Variants in ENOSF1 observed in about 807,000 individuals in gnomAD.
The protein encoded by ENOSF1 is enolase superfamily member 1.
A neutral mutation model predicts 68.2 loss-of-function variants in ENOSF1; 73 were observed. The ratio of observed to expected loss-of-function variants is 1.07; its 90% CI spans 0.89 to 1.30. The LOEUF (loss-of-function observed/expected upper bound fraction) is 1.30. ENOSF1 is among the 50% of genes most tolerant of loss of function. The probability of loss-of-function intolerance (pLI) is 0.00; values close to 1 mark genes in which losing one functional copy is unlikely to be tolerated. For synonymous variants in ENOSF1, 223 were observed against 210.4 expected (o/e 1.06, Z -0.52); for missense variants, 589 against 554.5 (o/e 1.06, Z -0.62).
chr18:675,096 G>A (rs2075345022), intron 15 of ENOSF1, among the ~76,000 whole-genome samples: 1 of 152,206 alleles, frequency 6.6e-6, no homozygotes, highest in Non-Finnish European at 1.5e-5. Flanking sequence ...CTCCACTAGT[G>A]AGGAAAGGCT....
chr18:704,407 A>G (rs2741165), intron 2 of ENOSF1, among the ~76,000 whole-genome samples: 84,546 of 141,630 alleles, frequency 0.6, 25,682 homozygotes, highest in African/African-American at 0.71. Context: ...CAGGCTGGGC[A>G]ACAGAGCAAG....
Position 675,363 on chromosome 18 carries a change from C to T in ENOSF1, c.1188G>A (p.Lys396=), listed in dbSNP as rs1231244921. ...EYVDHLHEHF[K]YPVMIQRASY... ...AAGCCCGCTGGATCATCACGGGATA[C>T]TTGAAATGCTCATGCAGGTGGTCAA... The change falls in exon 15 of 16, where the codon AAG becomes AAA. Residue 396 remains lysine (K), a synonymous_variant. Transcript: ENST00000647584. The T allele has an allele frequency of 1.9e-6, 3 of 1,613,130 alleles. No homozygotes were observed. The South Asian group carries it at 3.3e-5, about 18-fold the overall frequency.
chr18:698,096 A>G (rs1598738927), intron 2 of ENOSF1, among the ~76,000 whole-genome samples: 1 of 152,308 alleles, frequency 6.6e-6, no homozygotes, highest in East Asian at 1.9e-4. Flanking sequence ...GCCCAGCCCC[A>G]TATGTTTTCT....
At chr18:681,792 T>C (rs2144709962) in intron 11 of ENOSF1, among the ~76,000 whole-genome samples, 1 of 152,316 alleles carries the variant, frequency 6.6e-6, no homozygotes, top group East Asian at 1.9e-4. Context: ...CTCCGGTCTT[T>C]GTTTCACATA....
intron 3 of ENOSF1, among the ~76,000 whole-genome samples, chr18:695,379 C>T (rs1292350719): frequency 6.6e-6 from 1 of 152,040 alleles, no homozygotes; most frequent in Non-Finnish European, 1.5e-5. Context: ...AACTTAGTGT[C>T]CATTTGCTTT....
At chr18:665,454 T>C (rs917760113), downstream of ENOSF1, among the ~76,000 whole-genome samples, 1 of 150,264 alleles carries the variant, frequency 6.7e-6, no homozygotes, top group Admixed American at 6.6e-5. Context: ...GTTGATCCTT[T>C]CAAAAAACCA....
intron 13 of ENOSF1, 108 bp from the exon 14 acceptor site, chr18:677,552 A>C: frequency 8.1e-7 from 1 of 1,230,490 alleles, no homozygotes. Flanking sequence ...TAAATCATTT[A>C]TTAATATTTA....
In ENOSF1 at chr18:677,864, A is replaced by G. The variant is rs749112115; in HGVS notation, c.927T>C (p.Asn309=). Residue 309 remains asparagine (N), a synonymous_variant, in exon 13 of 16, where the codon AAT becomes AAC. Transcript: ENST00000647584. ...GTAGGAGTTGCTTAAATATCACTCT[A>G]TTGTGGCACTGGAAATAGAATTGAA... ...IGIATGEQCH[N]RVIFKQLLQA... 24 of 1,612,560 alleles carry G rather than the reference A, an allele frequency of 1.5e-5. No homozygotes were observed. Among genetic ancestry groups the G allele is most frequent in the Non-Finnish European group, 1.9e-5 (23 of 1,179,622 alleles).
Position 677,367 on chromosome 18 carries a change from C to T in ENOSF1, c.1126G>A (p.Val376Ile). Residue 376 changes from valine to isoleucine, a missense_variant, in exon 14 of 16, where the codon GTT becomes ATT. Transcript: ENST00000647584. ...GACCTATTTTCAAGGCTTGCAGAAA[C>T]TGATATGTAGTCAAATATAATCAGG... The part of the protein sequence containing the change: ...QHLIIFDYIS[V>I]SASLENRVCE... 1 of 1,613,852 alleles carries T rather than the reference C, an allele frequency of 6.2e-7. No individual in the cohort carries two copies. Among genetic ancestry groups the T allele is most frequent in the South Asian group, 1.1e-5 (1 of 91,028 alleles).
At position 670,522 on chromosome 18, in the gene ENOSF1, C is replaced by G. The variant is rs2074992069; in HGVS notation, c.*3783G>C. 3.1e-6 allele frequency: 2 copies of G among 652,518 alleles called. No homozygotes were observed. Among genetic ancestry groups the G allele is most frequent in the Non-Finnish European group, 5.2e-6 (2 of 382,682 alleles). 40.4% of individuals were successfully genotyped at this position (652,518 alleles called of 1,614,324 possible). The stretch of plus-strand genomic sequence containing the variant: ...TGCACCGATGGATAGTCTCCCTCAG[C>G]TCCGTGCCATCGCTGCAGAGGCTGT... On this transcript the variant is annotated 3_prime_UTR_variant, in exon 16 of 16. Transcript: ENST00000647584.
intron 2 of ENOSF1, among the ~76,000 whole-genome samples, chr18:706,177 A>G (rs2078914271): frequency 2.0e-5 from 3 of 152,010 alleles, no homozygotes; most frequent in Non-Finnish European, 1.5e-5. Context: ...GGCAGGTGAA[A>G]AGCATCCTTG....
intron 5 of ENOSF1, chr18:692,757 G>T: frequency 1.0e-6 from 1 of 996,328 alleles, no homozygotes; most frequent in Non-Finnish European, 1.2e-6. Context: ...CTCCATCCCC[G>T]TAAAACGCCA....
chr18:675,075 A>G (rs1031517213), intron 15 of ENOSF1, among the ~76,000 whole-genome samples: 3 of 152,206 alleles, frequency 2.0e-5, no homozygotes, highest in Admixed American at 1.3e-4. Context: ...AAGGAGTGCA[A>G]ATGTTAAGAT....
At chr18:706,816 T>TATATATA (rs756834911) in intron 1 of ENOSF1, 27,835 of 92,668 alleles carry the variant, frequency 0.3, 2,859 homozygotes, top group Admixed American at 0.37. Context: ...TATATATATA[T>TATATATA]TTTTTTTTTT....
intron 3 of ENOSF1, among the ~76,000 whole-genome samples, chr18:694,950 C>T (rs2077571700): frequency 6.6e-6 from 1 of 152,034 alleles, no homozygotes; most frequent in South Asian, 2.1e-4. Context: ...GTGTATAGTT[C>T]CTGAAAACAA....
chr18:671,130 G>GGTAT lies in ENOSF1; in HGVS notation c.*3171_*3174dup, dbSNP rs2075025283. ...TTTCTCAAAAGCTATGCTGAGGTTG[G>GGTAT]GTATGGTGGCTCATGCCTGTAATCC... On this transcript the variant is annotated 3_prime_UTR_variant, in exon 16 of 16. Transcript: ENST00000647584. The GGTAT allele has an allele frequency of 1.6e-6, 1 of 616,072 alleles. No individual in the cohort carries two copies. The highest frequency in any genetic ancestry group is 1.8e-5 in the African/African-American group (1 of 54,172). The allele number at this position is 616,072 out of a possible 1,614,324, so 38.2% of individuals were successfully genotyped here. A position where few individuals can be genotyped will look rare whatever the true frequency, so the allele number is the denominator to read the frequency against.
intron 5 of ENOSF1, chr18:693,517 G>A (rs1284700566): frequency 1.0e-6 from 1 of 985,270 alleles, no homozygotes; most frequent in African/African-American, 1.7e-5. Flanking sequence ...GCTTTTCAGA[G>A]TTTATGAGGT....
intron 2 of ENOSF1, among the ~76,000 whole-genome samples, chr18:700,454 A>C (rs995215904): frequency 2.6e-5 from 4 of 152,212 alleles, no homozygotes; most frequent in Non-Finnish European, 5.9e-5. Flanking sequence ...CACAATACCA[A>C]ATGCACTTAA....
downstream of ENOSF1, chr18:669,005 C>G (rs1357569195): frequency 1.9e-5 from 26 of 1,353,310 alleles, no homozygotes; most frequent in East Asian, 9.3e-5. Context: ...TAGATGACCT[C>G]TAAGGCCATC....
Sources: allele counts gnomAD v4.1 joint callset (sites outside exome capture counted in the v4.1 genomes callset), GRCh38; gene constraint gnomAD v4.1.1; transcripts MANE v1.5; gene names NCBI Gene and HGNC (gene_info 2026-07-23, HGNC 2026-07-21).